RARB: variants seen among roughly 807,000 people sequenced by gnomAD.
RARB encodes the protein HBV-activated protein.
In RARB, 17 loss-of-function variants were observed where a neutral mutation model predicts 51.9. That is an observed-to-expected ratio of 0.33 (90% CI 0.22 to 0.49). RARB has a LOEUF of 0.49. Ranked by LOEUF, RARB falls within the 20% of genes least tolerant of loss-of-function variation. RARB has a pLI of 0.99. For synonymous variants in RARB, 215 were observed against 195.4 expected, an observed-to-expected ratio of 1.10 and a Z score of -0.84; for missense variants, 369 against 550.8, an observed-to-expected ratio of 0.67 and a Z score of 3.30.
At chr3:24,970,318 G>A (rs1187335001) in intron 2 of RARB, among the ~76,000 whole-genome samples, 1 of 151,916 alleles carries the variant, frequency 6.6e-6, no homozygotes, top group Non-Finnish European at 1.5e-5. Context: ...GTAGTGGTGA[G>A]AACTGAAACC....
At chr3:25,091,911 C>T (rs910143052) in intron 3 of RARB, among the ~76,000 whole-genome samples, 5 of 152,084 alleles carry the variant, frequency 3.3e-5, no homozygotes, top group Non-Finnish European at 4.4e-5. Context: ...TTGGTTGAAT[C>T]GGAAGATGTG....
intron 3 of RARB, among the ~76,000 whole-genome samples, chr3:25,117,138 A>G (rs1699701576): frequency 6.6e-6 from 1 of 152,164 alleles, no homozygotes; most frequent in South Asian, 2.1e-4. Context: ...AGCACAGGGA[A>G]TACAGCAATA....
intron 3 of RARB, among the ~76,000 whole-genome samples, chr3:25,122,504 T>C (rs532611102): frequency 1.3e-5 from 2 of 152,264 alleles, no homozygotes; most frequent in African/African-American, 4.8e-5. Context: ...GACATTCTTA[T>C]ATGCAGAATG....
chr3:25,028,388 C>T (rs529337034), intron 2 of RARB, among the ~76,000 whole-genome samples: 3 of 152,230 alleles, frequency 2.0e-5, no homozygotes, highest in South Asian at 4.2e-4. Flanking sequence ...AAAGTGAAGT[C>T]CCTGGACCAG....
chr3:24,856,333 A>C (rs1702635878), intron 1 of RARB, among the ~76,000 whole-genome samples: 1 of 152,164 alleles, frequency 6.6e-6, no homozygotes, highest in Non-Finnish European at 1.5e-5. Context: ...GGGACTCCTC[A>C]GAGGAAGCCA....
intron 5 of RARB, among the ~76,000 whole-genome samples, chr3:25,340,966 C>T (rs934672382): frequency 4.6e-5 from 7 of 152,166 alleles, no homozygotes; most frequent in Admixed American, 2.0e-4. Context: ...AAATCTTCTG[C>T]AGATATTTTC....
intron 2 of RARB, among the ~76,000 whole-genome samples, chr3:24,922,665 G>A (rs1296020654): frequency 6.6e-6 from 1 of 152,172 alleles, no homozygotes; most frequent in South Asian, 2.1e-4. Flanking sequence ...AAAGAGAAGT[G>A]TAGAAGACGG....
intron 1 of RARB, among the ~76,000 whole-genome samples, chr3:24,855,070 G>A (rs1023015124): frequency 5.9e-5 from 9 of 152,160 alleles, no homozygotes; most frequent in African/African-American, 1.9e-4. Flanking sequence ...TATGCTACAC[G>A]TCAGATTTGT....
At chr3:24,914,903 A>C (rs948876007) in intron 2 of RARB, among the ~76,000 whole-genome samples, 1 of 152,216 alleles carries the variant, frequency 6.6e-6, no homozygotes. Context: ...AATGTACCTC[A>C]CTGTGACCTG....
chr3:25,240,622 A>G (rs1702409275), intron 5 of RARB, among the ~76,000 whole-genome samples: 1 of 152,044 alleles, frequency 6.6e-6, no homozygotes, highest in South Asian at 2.1e-4. Flanking sequence ...TATTGATGTA[A>G]TATGTCAGGT....
At chr3:25,255,795 A>G (rs1269167698) in intron 5 of RARB, among the ~76,000 whole-genome samples, 1 of 152,130 alleles carries the variant, frequency 6.6e-6, no homozygotes, top group East Asian at 1.9e-4. Flanking sequence ...TTTGAAAACA[A>G]TAGTTTTAAA....
chr3:25,344,245 T>C (rs1705320253), intron 5 of RARB, among the ~76,000 whole-genome samples: 2 of 152,212 alleles, frequency 1.3e-5, no homozygotes, highest in African/African-American at 4.8e-5. Context: ...AAGAAGATAG[T>C]CACATCATAC....
At chr3:25,157,993 T>C (rs1700407234) in intron 4 of RARB, among the ~76,000 whole-genome samples, 1 of 152,252 alleles carries the variant, frequency 6.6e-6, no homozygotes, top group African/African-American at 2.4e-5. Context: ...CAAAGTGTGG[T>C]TATCTTGACT....
intron 1 of RARB, among the ~76,000 whole-genome samples, chr3:25,447,154 T>A (rs1233121138): frequency 6.6e-6 from 1 of 152,256 alleles, no homozygotes; most frequent in African/African-American, 2.4e-5. Context: ...CAGATTCTGC[T>A]GAACTGGCTG....
At chr3:25,397,023 C>A (rs1018097364) in intron 5 of RARB, among the ~76,000 whole-genome samples, 1 of 152,152 alleles carries the variant, frequency 6.6e-6, no homozygotes, top group Non-Finnish European at 1.5e-5. Flanking sequence ...TGGTTTCTTG[C>A]GCGCATATCT....
At chr3:24,945,640 C>T (rs924286073) in intron 2 of RARB, among the ~76,000 whole-genome samples, 6 of 152,192 alleles carry the variant, frequency 3.9e-5, no homozygotes, top group African/African-American at 9.7e-5. Flanking sequence ...TTATCCTTGG[C>T]GATCCTCTTT....
At chr3:24,984,659 A>T (rs1264756129) in intron 2 of RARB, among the ~76,000 whole-genome samples, 1 of 152,236 alleles carries the variant, frequency 6.6e-6, no homozygotes, top group Non-Finnish European at 1.5e-5. Context: ...TTTTGAATAA[A>T]TCTAGAACTC....
intron 2 of RARB, among the ~76,000 whole-genome samples, chr3:24,995,646 A>G (rs1697005004): frequency 1.3e-5 from 2 of 152,008 alleles, no homozygotes; most frequent in South Asian, 2.1e-4. Flanking sequence ...CTTTCTTTCC[A>G]TCCCTAATTT....
rs140910160 is a variant in RARB at position 25,028,372 on chromosome 3, G to A, written c.-379-31753G>A. On this transcript the variant is annotated intron_variant, in intron 2 of 11. Transcript: ENST00000383772. ...ATTCTTGCATCTCTTTATGCCGGTG[G>A]TTCCCAAAGTGAAGTCCCTGGACCA... Among the ~76,000 whole-genome samples the A allele has an allele frequency of 5.9e-5, 9 of 152,304 alleles. No individual in the cohort carries two copies. In the East Asian group the frequency reaches 1.4e-3, roughly 23 times the overall value.
Sources: allele counts gnomAD v4.1 joint callset (sites outside exome capture counted in the v4.1 genomes callset), GRCh38; gene constraint gnomAD v4.1.1; transcripts MANE v1.5; gene names NCBI Gene and HGNC (gene_info 2026-07-23, HGNC 2026-07-21).